The following TANC2 variants were observed in gnomAD, a reference collection of about 807,000 sequenced individuals.
The protein encoded by TANC2 is protein TANC2.
Under a neutral mutation model 210.5 loss-of-function variants are expected in TANC2, and 26 were observed. The observed-to-expected ratio is 0.12, with a 90% CI of 0.09 to 0.17. The LOEUF (loss-of-function observed/expected upper bound fraction) is 0.17. Ranked by LOEUF, TANC2 falls within the 10% of genes least tolerant of loss-of-function variation. The pLI, the probability that TANC2 is intolerant of heterozygous loss-of-function variation, is 1.00. For missense variants in TANC2, 2,129 were observed against 2,608.9 expected, an observed-to-expected ratio of 0.82 and a Z score of 4.01; for synonymous variants, 931 against 967.1, an observed-to-expected ratio of 0.96 and a Z score of 0.69.
At chr17:63,001,568 TC>T (rs1568307956) in intron 1 of TANC2, among the ~76,000 whole-genome samples, 1 of 151,248 alleles carries the variant, frequency 6.6e-6, no homozygotes, top group African/African-American at 2.4e-5. Flanking sequence ...TTTTTTTTTT[TC>T]CAAGATGGAG....
intron 18 of TANC2, chr17:63,396,655 C>G (rs534628727): frequency 1.3e-5 from 2 of 152,146 alleles, no homozygotes; most frequent in African/African-American, 4.8e-5. Flanking sequence ...AGAACAAAAT[C>G]ATGTCCTTTG....
At chr17:63,270,433 T>C (rs2043664298) in intron 9 of TANC2, among the ~76,000 whole-genome samples, 1 of 152,190 alleles carries the variant, frequency 6.6e-6, no homozygotes, top group Non-Finnish European at 1.5e-5. Flanking sequence ...GAATAATTTT[T>C]AAAAACATGT....
intron 2 of TANC2, among the ~76,000 whole-genome samples, chr17:63,049,861 T>A (rs998061523): frequency 5.9e-5 from 9 of 152,036 alleles, no homozygotes; most frequent in Non-Finnish European, 1.5e-5. Context: ...ATATCATGAA[T>A]AGCTGACAGC....
At chr17:63,022,092 G>C (rs1382822061) in intron 2 of TANC2, among the ~76,000 whole-genome samples, 1 of 152,088 alleles carries the variant, frequency 6.6e-6, no homozygotes, top group East Asian at 1.9e-4. Context: ...TGTAATCCCA[G>C]CACTTTGGGA....
At chr17:63,013,063 CT>C (rs760218214) in intron 2 of TANC2, among the ~76,000 whole-genome samples, 388 of 140,662 alleles carry the variant, frequency 2.8e-3, no homozygotes, top group Middle Eastern at 7.3e-3. Context: ...AGATTTTTTT[CT>C]TTTTTTTTTT....
At chr17:63,263,173 AT>A (rs1212989315) in intron 8 of TANC2, among the ~76,000 whole-genome samples, 1 of 152,226 alleles carries the variant, frequency 6.6e-6, no homozygotes, top group Non-Finnish European at 1.5e-5. Flanking sequence ...AGAGAAGAAC[AT>A]TAACGTTATT....
At chr17:63,195,253 C>A (rs1156688780) in intron 6 of TANC2, among the ~76,000 whole-genome samples, 1 of 152,116 alleles carries the variant, frequency 6.6e-6, no homozygotes, top group Admixed American at 6.6e-5. Context: ...ATTTAGCTTC[C>A]CACATTATAT....
At chr17:63,091,692 G>A (rs1054358171) in intron 3 of TANC2, among the ~76,000 whole-genome samples, 2 of 152,094 alleles carry the variant, frequency 1.3e-5, no homozygotes, top group African/African-American at 2.4e-5. Context: ...TTAGAAATGC[G>A]GGCCCCTTTT....
intron 9 of TANC2, among the ~76,000 whole-genome samples, chr17:63,307,201 C>T (rs984939977): frequency 6.6e-6 from 1 of 152,046 alleles, no homozygotes; most frequent in East Asian, 1.9e-4. Flanking sequence ...GAGGGTTTTG[C>T]GTAGGGGAGT....
intron 7 of TANC2, among the ~76,000 whole-genome samples, chr17:63,209,262 C>G (rs1410928394): frequency 6.6e-6 from 1 of 152,124 alleles, no homozygotes; most frequent in Non-Finnish European, 1.5e-5. Flanking sequence ...GTCCGCCCGC[C>G]TCAGCCTCCA....
chr17:63,315,684 A>C (rs2429426), intron 10 of TANC2, among the ~76,000 whole-genome samples: 1 of 151,988 alleles, frequency 6.6e-6, no homozygotes, highest in Non-Finnish European at 1.5e-5. Flanking sequence ...GTGTGAGATA[A>C]TAGTAGTTAC....
chr17:63,177,038 C>T lies in TANC2; in HGVS notation c.434-16953C>T, dbSNP rs970867888. On this transcript the variant is annotated intron_variant, in intron 5 of 27. Transcript: ENST00000689528. ...CAGCACTTTAGGAGGCCGAGGTGGG[C>T]GGATCACTTGAGGTCAGGAGTTTGA... is the stretch of plus-strand genomic sequence containing the variant. Among the ~76,000 whole-genome samples, 17 of 151,622 alleles carry T rather than the reference C, an allele frequency of 1.1e-4. No individual in the cohort carries two copies. The East Asian group carries it at 2.7e-3, about 24-fold the overall frequency.
At chr17:63,315,219 G>C (rs1434458775) in intron 10 of TANC2, among the ~76,000 whole-genome samples, 3 of 152,104 alleles carry the variant, frequency 2.0e-5, no homozygotes, top group Non-Finnish European at 4.4e-5. Context: ...TCACTACCAG[G>C]ATCTTACTGA....
chr17:63,359,065 TTTG>T (rs1175011932), intron 14 of TANC2, among the ~76,000 whole-genome samples: 2 of 151,420 alleles, frequency 1.3e-5, no homozygotes, highest in East Asian at 3.9e-4. Flanking sequence ...TTTTGTGGGG[TTTG>T]TTTTTATTTT....
At chr17:63,037,138 C>T (rs564615383) in intron 2 of TANC2, among the ~76,000 whole-genome samples, 6 of 152,204 alleles carry the variant, frequency 3.9e-5, no homozygotes, top group Admixed American at 2.0e-4. Context: ...GTACTTTATT[C>T]ATCCTTCTTG....
In TANC2 at chr17:63,126,430, C is replaced by G. The variant is rs868077594; in HGVS notation, c.323-24840C>G. Among the ~76,000 whole-genome samples, 6 of 152,078 alleles carry G rather than the reference C, an allele frequency of 3.9e-5. 1 individual carries two copies. On this transcript the variant is annotated intron_variant, in intron 4 of 27. Transcript: ENST00000689528. ...AGTTGTTGCTGCTGTTGTTTTTTGA[C>G]GGAGTCTTCTTCTGTCGCCCAGGCT...
At chr17:63,391,639 A>G (rs781572820) in intron 17 of TANC2, 2 of 152,024 alleles carry the variant, frequency 1.3e-5, no homozygotes, top group African/African-American at 2.4e-5. Context: ...TTTAAAAGTC[A>G]CTAATGACTG....
chr17:63,326,213 T>A (rs2045639346), intron 11 of TANC2, among the ~76,000 whole-genome samples: 1 of 152,142 alleles, frequency 6.6e-6, no homozygotes, highest in Non-Finnish European at 1.5e-5. Context: ...AATAAAAAGT[T>A]CAGAATTAGA....
chr17:63,218,973 G>A (rs2042096622), intron 7 of TANC2, among the ~76,000 whole-genome samples: 1 of 151,984 alleles, frequency 6.6e-6, no homozygotes, highest in African/African-American at 2.4e-5. Flanking sequence ...GTATTTCTCT[G>A]TACCAGCAAC....
Sources: allele counts gnomAD v4.1 joint callset (sites outside exome capture counted in the v4.1 genomes callset), GRCh38; gene constraint gnomAD v4.1.1; transcripts MANE v1.5; gene names NCBI Gene and HGNC (gene_info 2026-07-23, HGNC 2026-07-21).